FAM20C: variants seen among roughly 807,000 people sequenced by gnomAD.
FAM20C encodes the protein extracellular serine/threonine protein kinase FAM20C.
In FAM20C, 40 loss-of-function variants were observed where a neutral mutation model predicts 51.5. The ratio of observed to expected loss-of-function variants is 0.78; its 90% CI spans 0.60 to 1.01. The LOEUF (loss-of-function observed/expected upper bound fraction) is 1.01, where lower values mean the gene tolerates loss of function less well. Among genes scored for constraint, FAM20C ranks in the 50% least tolerant of loss-of-function variants. The pLI is 0.00. For missense variants in FAM20C, 861 were observed against 844.7 expected (o/e 1.02, Z -0.24); for synonymous variants, 406 against 380.6 (o/e 1.07, Z -0.78).
intron 3 of FAM20C, among the ~76,000 whole-genome samples, chr7:210,107 C>T (rs571547086): frequency 6.6e-6 from 1 of 152,234 alleles, no homozygotes; most frequent in Non-Finnish European, 1.5e-5. Flanking sequence ...AGCCGTTCAC[C>T]AAAATTACAC....
intron 7 of FAM20C, 74 bp from the exon 8 acceptor site, chr7:256,931 G>A (rs779217257): frequency 3.8e-5 from 57 of 1,491,154 alleles, no homozygotes; most frequent in East Asian, 1.2e-4. Context: ...ACGCCGCTCT[G>A]CAGAGCACAG....
chr7:219,521 G>A (rs1289909897), intron 3 of FAM20C, among the ~76,000 whole-genome samples: 4 of 152,088 alleles, frequency 2.6e-5, no homozygotes, highest in African/African-American at 7.2e-5. Context: ...GCTTGGCTTC[G>A]AATCCGGTAC....
chr7:251,953 C>T (rs1349088264), intron 5 of FAM20C, among the ~76,000 whole-genome samples: 1 of 152,208 alleles, frequency 6.6e-6, no homozygotes, highest in African/African-American at 2.4e-5. Flanking sequence ...CCCTGGAACC[C>T]CACTGCTGCC....
chr7:252,579 G>A (rs779463519), intron 5 of FAM20C, among the ~76,000 whole-genome samples: 26 of 152,298 alleles, frequency 1.7e-4, no homozygotes, highest in African/African-American at 4.8e-4. Context: ...TCGGCCTCCC[G>A]TGGCCTGAGT....
chr7:243,941 A>ATTATT (rs1554254455), intron 3 of FAM20C, among the ~76,000 whole-genome samples: 438 of 111,998 alleles, frequency 3.9e-3, no homozygotes, highest in Middle Eastern at 5.4e-3. Context: ...TAATAATAAT[A>ATTATT]ATAATTATTA....
chr7:259,481 TG>T, intron 9 of FAM20C, among the ~76,000 whole-genome samples: 3 of 37,688 alleles, frequency 8.0e-5, no homozygotes, highest in Non-Finnish European at 1.0e-4. Context: ...TCGGTCTGCC[TG>T]TTTCTCTTTA....
At chr7:212,377 C>T (rs772447005) in intron 3 of FAM20C, among the ~76,000 whole-genome samples, 11 of 152,260 alleles carry the variant, frequency 7.2e-5, no homozygotes, top group South Asian at 6.2e-4. Flanking sequence ...GCAGGAGATT[C>T]GCTTGAACCT....
At chr7:254,784 C>T (rs1018866253) in intron 5 of FAM20C, among the ~76,000 whole-genome samples, 1 of 152,236 alleles carries the variant, frequency 6.6e-6, no homozygotes, top group African/African-American at 2.4e-5. Context: ...CCTCGACGAG[C>T]AGCGTCCCAC....
intron 5 of FAM20C, among the ~76,000 whole-genome samples, chr7:251,205 G>GCCGGGCACGGCGGCTCACGC (rs1562396062): frequency 1.6e-5 from 1 of 60,994 alleles, no homozygotes; most frequent in East Asian, 4.4e-4. Flanking sequence ...GCGGCTCACG[G>GCCGGGCACGGCGGCTCACGC]CTGCACTGAG....
chr7:218,172 C>T (rs992395044), intron 3 of FAM20C, among the ~76,000 whole-genome samples: 15 of 152,200 alleles, frequency 9.9e-5, no homozygotes, highest in Non-Finnish European at 1.6e-4. Flanking sequence ...AGCGTTCACC[C>T]GGCAGCTCAA....
chr7:245,116 T>C (rs139549204), intron 3 of FAM20C, among the ~76,000 whole-genome samples: 31,166 of 151,906 alleles, frequency 0.21, 4,682 homozygotes, highest in African/African-American at 0.43. Context: ...CTCCCAGGAG[T>C]TGGGCGGACC....
intron 2 of FAM20C, among the ~76,000 whole-genome samples, chr7:207,221 G>C (rs28513902): frequency 3.8e-4 from 5 of 13,028 alleles, no homozygotes; most frequent in Non-Finnish European, 7.1e-4. Flanking sequence ...TCCACTGTGA[G>C]GCGTCGGTCA....
chr7:195,151 A>G (rs1172623791), intron 1 of FAM20C: 1 of 179,106 alleles, frequency 5.6e-6, no homozygotes, highest in African/African-American at 2.3e-5. Flanking sequence ...CCTGTGGTCA[A>G]TGGTAGGTTC....
At chr7:258,157 T>C (rs1186391765) in intron 8 of FAM20C, among the ~76,000 whole-genome samples, 22 of 86,490 alleles carry the variant, frequency 2.5e-4, no homozygotes, top group African/African-American at 1.2e-3. Context: ...GTGCTGGAGA[T>C]AGGCAGGGTG....
rs531259040 is a variant in FAM20C, at chr7:215,276, G to T, written c.863+6300G>T. On this transcript the variant is annotated intron_variant, in intron 3 of 9. Coordinates refer to ENST00000313766, the MANE Select transcript of FAM20C (RefSeq NM_020223.4). Reference sequence around the variant, plus strand: ...GTGTATGGAGAGGATGGAGCTGGGTGGGGGGAGCAGGGCCCGTGGTGTATG... The same window carrying T: ...GTGTATGGAGAGGATGGAGCTGGGTTGGGGGAGCAGGGCCCGTGGTGTATG... 2.2e-4 allele frequency among the ~76,000 whole-genome samples: 15 copies of T among 69,494 alleles called. No individual in the cohort carries two copies. The East Asian group carries it at 5.4e-3, about 25-fold the overall frequency. 45.6% of individuals were successfully genotyped at this position (69,494 alleles called of 152,430 possible). A position where few individuals can be genotyped will look rare whatever the true frequency, so the allele number is the denominator to read the frequency against.
intron 5 of FAM20C, 138 bp from the exon 6 acceptor site, chr7:255,711 G>C: frequency 1.2e-6 from 1 of 842,312 alleles, no homozygotes; most frequent in Non-Finnish European, 1.8e-6. Flanking sequence ...TGTTTGCTGG[G>C]ATTGATGGGG....
chr7:202,940 G>A (rs868397731), intron 2 of FAM20C, among the ~76,000 whole-genome samples: 2 of 152,224 alleles, frequency 1.3e-5, no homozygotes, highest in South Asian at 2.1e-4. Flanking sequence ...TTATTGCACT[G>A]GGAATTGGGG....
chr7:227,851 G>A (rs945942701), intron 3 of FAM20C: 2 of 152,610 alleles, frequency 1.3e-5, no homozygotes, highest in African/African-American at 4.8e-5. Context: ...GACTTTTACA[G>A]TTGCAAATCA....
At chr7:229,478 C>A in intron 3 of FAM20C, 1 of 159,056 alleles carries the variant, frequency 6.3e-6, no homozygotes, top group South Asian at 1.8e-4. Context: ...CTCCTGCCTG[C>A]AGCCCTGTGG....
Sources: gnomAD v4.1 joint callset for allele counts (sites outside exome capture counted in the v4.1 genomes callset) on GRCh38, gnomAD v4.1.1 for gene constraint, MANE v1.5 for transcripts, NCBI Gene and HGNC (gene_info 2026-07-23, HGNC 2026-07-21) for gene names.